The following SLIT3 variants were observed in gnomAD, a reference collection of about 807,000 sequenced individuals.
The protein encoded by SLIT3 is slit homolog 3 protein.
Under a neutral mutation model 184.0 loss-of-function variants are expected in SLIT3, and 68 were observed. That is an observed-to-expected ratio of 0.37 (90% CI 0.30 to 0.45). The LOEUF (loss-of-function observed/expected upper bound fraction) is 0.45, where lower values mean the gene tolerates loss of function less well. Ranked by LOEUF, SLIT3 falls within the 20% of genes least tolerant of loss-of-function variation. The pLI, the probability that SLIT3 is intolerant of heterozygous loss-of-function variation, is 1.00. For missense variants in SLIT3, 1,707 were observed against 2,026.0 expected (o/e 0.84, Z 3.02); for synonymous variants, 831 against 828.6 (o/e 1.00, Z -0.05).
At chr5:168,967,594 T>C (rs1352741732) in intron 4 of SLIT3, among the ~76,000 whole-genome samples, 10 of 143,572 alleles carry the variant, frequency 7.0e-5, no homozygotes, top group East Asian at 2.0e-4. Context: ...CGCCCGCCAC[T>C]ACGCCCGGCT....
intron 4 of SLIT3, among the ~76,000 whole-genome samples, chr5:169,109,424 T>A (rs1760331203): frequency 1.3e-5 from 2 of 152,200 alleles, no homozygotes; most frequent in South Asian, 2.1e-4. Context: ...AGCCTCCAGA[T>A]GAAAATGCAG....
intron 4 of SLIT3, among the ~76,000 whole-genome samples, chr5:168,949,651 T>C (rs1581237189): frequency 6.6e-6 from 1 of 152,082 alleles, no homozygotes. Flanking sequence ...CAGGCTAGAG[T>C]GCATGGCGCG....
At chr5:169,038,640 C>T (rs57786116) in intron 4 of SLIT3, among the ~76,000 whole-genome samples, 17,888 of 152,078 alleles carry the variant, frequency 0.12, 1,339 homozygotes, top group East Asian at 0.42. Flanking sequence ...GGTGTTCACA[C>T]CCATATTTAC....
intron 4 of SLIT3, among the ~76,000 whole-genome samples, chr5:169,177,728 CT>C (rs149419225): frequency 0.029 from 4,464 of 152,294 alleles, 84 homozygotes; most frequent in South Asian, 0.096. Context: ...TTTTTAACTT[CT>C]GAAATGCCTA....
At chr5:168,940,350 G>A (rs1257379757) in intron 4 of SLIT3, among the ~76,000 whole-genome samples, 1 of 152,122 alleles carries the variant, frequency 6.6e-6, no homozygotes, top group Non-Finnish European at 1.5e-5. Context: ...TGATTCCAGA[G>A]AAAGAAGGTG....
chr5:169,109,802 A>G (rs900766296), intron 4 of SLIT3, among the ~76,000 whole-genome samples: 1 of 151,952 alleles, frequency 6.6e-6, no homozygotes, highest in African/African-American at 2.4e-5. Flanking sequence ...TTCCATATTG[A>G]CTTCACTCAT....
intron 5 of SLIT3, among the ~76,000 whole-genome samples, chr5:168,870,736 C>T (rs1465220993): frequency 6.6e-6 from 1 of 152,190 alleles, no homozygotes; most frequent in Non-Finnish European, 1.5e-5. Flanking sequence ...CCCATAGGCT[C>T]TTTGTGACAC....
intron 4 of SLIT3, among the ~76,000 whole-genome samples, chr5:169,148,252 G>A (rs1761996223): frequency 6.6e-6 from 1 of 152,188 alleles, no homozygotes; most frequent in Non-Finnish European, 1.5e-5. Flanking sequence ...GATGGTCCCA[G>A]CAGCCAATGC....
intron 4 of SLIT3, among the ~76,000 whole-genome samples, chr5:169,167,269 T>A (rs1430579795): frequency 1.2e-5 from 1 of 85,852 alleles, no homozygotes. Flanking sequence ...TTCTAAGCAC[T>A]TTTTTTTTTT....
intron 4 of SLIT3, among the ~76,000 whole-genome samples, chr5:169,150,319 G>T (rs890486597): frequency 1.3e-5 from 2 of 152,084 alleles, no homozygotes; most frequent in African/African-American, 4.8e-5. Context: ...CCATGATCTG[G>T]TCTAGGCCAG....
intron 9 of SLIT3, among the ~76,000 whole-genome samples, chr5:168,796,907 CA>C (rs1292329082): frequency 2.0e-5 from 3 of 151,870 alleles, no homozygotes; most frequent in African/African-American, 7.3e-5. Context: ...ACTCTCCAGG[CA>C]AAAGGAAGGG....
chr5:169,285,576 T>G (rs778883700), intron 1 of SLIT3, among the ~76,000 whole-genome samples: 2 of 152,232 alleles, frequency 1.3e-5, no homozygotes, highest in African/African-American at 2.4e-5. Context: ...GAAGGGGTAC[T>G]ATGTTGCTTT....
At chr5:168,758,626 T>C (rs1288153507) in intron 16 of SLIT3, among the ~76,000 whole-genome samples, 1 of 152,156 alleles carries the variant, frequency 6.6e-6, no homozygotes, top group Non-Finnish European at 1.5e-5. Context: ...CCCAACGTGC[T>C]CTCCACTGCA....
At chr5:168,966,333 A>ATT (rs79367819) in intron 4 of SLIT3, among the ~76,000 whole-genome samples, 3 of 144,532 alleles carry the variant, frequency 2.1e-5, no homozygotes, top group Non-Finnish European at 3.0e-5. Context: ...GGTTCGCTGG[A>ATT]TTTTTTTTTT....
chr5:168,972,669 C>T (rs897125683), intron 4 of SLIT3, among the ~76,000 whole-genome samples: 1 of 152,116 alleles, frequency 6.6e-6, no homozygotes, highest in South Asian at 2.1e-4. Context: ...GGAATGAAAT[C>T]CTGATGAAGG....
intron 20 of SLIT3, among the ~76,000 whole-genome samples, chr5:168,729,457 T>C (rs763157747): frequency 3.3e-5 from 5 of 151,852 alleles, no homozygotes; most frequent in Admixed American, 1.3e-4. Flanking sequence ...CACAGAAACC[T>C]TACAGGTTAG....
chr5:169,256,575 T>C (rs529330951), intron 1 of SLIT3, among the ~76,000 whole-genome samples: 395 of 152,352 alleles, frequency 2.6e-3, no homozygotes, highest in African/African-American at 9.1e-3. Context: ...GTGACCACTG[T>C]GTCTTAACGC....
In SLIT3 at chr5:168,789,577, C is replaced by T. The variant is rs372686518; in HGVS notation, c.1062G>A (p.Leu354=). ...CCACTTACAGCGATGTGAGTGATTT[C>T]AGGCCCTGGAAGGCATCTGGAGCAA... The part of the protein sequence containing the change: ...SDIAPDAFQG[L]KSLTSLVLYG... Residue 354 remains leucine, a synonymous_variant, in exon 11 of 36, where the codon CTG becomes CTA. Transcript: ENST00000519560. 36 of 1,613,354 alleles carry T rather than the reference C, an allele frequency of 2.2e-5. No individual in the cohort carries two copies. Among genetic ancestry groups the T allele is most frequent in the Admixed American group, 8.3e-5 (5 of 59,954 alleles).
intron 4 of SLIT3, among the ~76,000 whole-genome samples, chr5:169,088,015 T>C (rs1759383917): frequency 6.6e-6 from 1 of 152,218 alleles, no homozygotes; most frequent in African/African-American, 2.4e-5. Flanking sequence ...GGCCAGGACT[T>C]TCCTTACTTC....
Sources: gnomAD v4.1 joint callset for allele counts (sites outside exome capture counted in the v4.1 genomes callset) on GRCh38, gnomAD v4.1.1 for gene constraint, MANE v1.5 for transcripts, NCBI Gene and HGNC (gene_info 2026-07-23, HGNC 2026-07-21) for gene names.